LRRC4C: variants seen among roughly 807,000 people sequenced by gnomAD.
LRRC4C encodes the protein leucine-rich repeat-containing protein 4C.
Under a neutral mutation model 33.6 loss-of-function variants are expected in LRRC4C, and 5 were observed. That is an observed-to-expected ratio of 0.15 (90% CI 0.08 to 0.31). LRRC4C has a LOEUF of 0.31. Ranked by LOEUF, LRRC4C falls within the 10% of genes least tolerant of loss-of-function variation. The probability of loss-of-function intolerance (pLI) is 1.00; values close to 1 mark genes in which losing one functional copy is unlikely to be tolerated. For synonymous variants in LRRC4C, 329 were observed against 302.0 expected (o/e 1.09, Z -0.93); for missense variants, 560 against 796.7 (o/e 0.70, Z 3.58).
chr11:40,583,688 T>C (rs1292532419), intron 3 of LRRC4C, among the ~76,000 whole-genome samples: 3 of 152,098 alleles, frequency 2.0e-5, no homozygotes, highest in Non-Finnish European at 4.4e-5. Context: ...CTCCACTTCC[T>C]TAGTACTCTG....
intron 5 of LRRC4C, among the ~76,000 whole-genome samples, chr11:40,197,810 A>C (rs907682041): frequency 2.0e-5 from 3 of 152,226 alleles, no homozygotes; most frequent in Non-Finnish European, 2.9e-5. Flanking sequence ...AATTTCTGAT[A>C]AATGCCTTTC....
At chr11:40,859,842 C>T (rs995616965) in intron 2 of LRRC4C, among the ~76,000 whole-genome samples, 9 of 151,952 alleles carry the variant, frequency 5.9e-5, no homozygotes, top group East Asian at 1.9e-4. Context: ...TTTGGGAGGC[C>T]GAGGCGGGCG....
intron 2 of LRRC4C, among the ~76,000 whole-genome samples, chr11:40,752,397 C>T (rs1214265842): frequency 1.3e-5 from 2 of 151,736 alleles, no homozygotes; most frequent in Non-Finnish European, 1.5e-5. Context: ...TCAAAGAATG[C>T]AACAATATAT....
intron 3 of LRRC4C, among the ~76,000 whole-genome samples, chr11:40,328,343 A>G (rs943584932): frequency 4.6e-5 from 7 of 152,220 alleles, no homozygotes; most frequent in South Asian, 2.1e-4. Flanking sequence ...AGACCACATC[A>G]TTACTATCAC....
At chr11:41,279,483 C>T (rs1181249360) in intron 1 of LRRC4C, among the ~76,000 whole-genome samples, 1 of 151,568 alleles carries the variant, frequency 6.6e-6, no homozygotes, top group African/African-American at 2.4e-5. Flanking sequence ...TTGCCTCCAA[C>T]TTTTGGTGCA....
At chr11:40,532,130 A>G (rs1034740289) in intron 3 of LRRC4C, among the ~76,000 whole-genome samples, 2 of 151,076 alleles carry the variant, frequency 1.3e-5, no homozygotes, top group Admixed American at 1.3e-4. Context: ...GAAGTTTTGG[A>G]ATTTGCCAGA....
intron 2 of LRRC4C, among the ~76,000 whole-genome samples, chr11:40,746,823 C>T (rs1309895761): frequency 6.6e-6 from 1 of 152,196 alleles, no homozygotes; most frequent in East Asian, 1.9e-4. Context: ...TGGTGCCTAT[C>T]TGTATGTCCC....
chr11:40,750,246 C>G (rs958778404), intron 2 of LRRC4C, among the ~76,000 whole-genome samples: 11 of 151,808 alleles, frequency 7.2e-5, no homozygotes, highest in African/African-American at 2.7e-4. Flanking sequence ...ATCCACAGGA[C>G]CAGATGGGCA....
chr11:40,977,142 A>T (rs916928784), intron 1 of LRRC4C, among the ~76,000 whole-genome samples: 2 of 152,038 alleles, frequency 1.3e-5, no homozygotes, highest in Non-Finnish European at 2.9e-5. Flanking sequence ...TGAAGACCTA[A>T]TGCCACCACT....
chr11:41,267,241 A>C (rs752984676), intron 1 of LRRC4C, among the ~76,000 whole-genome samples: 4 of 152,122 alleles, frequency 2.6e-5, no homozygotes, highest in Non-Finnish European at 5.9e-5. Context: ...TTTTGAATCC[A>C]AAAACAGATC....
At chr11:40,634,672 T>A (rs79066981) in intron 3 of LRRC4C, among the ~76,000 whole-genome samples, 1 of 151,506 alleles carries the variant, frequency 6.6e-6, no homozygotes, top group Non-Finnish European at 1.5e-5. Context: ...GAGTTAGAGA[T>A]CAGCTTGGGA....
intron 1 of LRRC4C, among the ~76,000 whole-genome samples, chr11:40,989,584 T>A (rs1853352989): frequency 6.6e-6 from 1 of 152,148 alleles, no homozygotes; most frequent in East Asian, 1.9e-4. Context: ...ATACATAACA[T>A]TCTGGTTAGA....
intron 2 of LRRC4C, among the ~76,000 whole-genome samples, chr11:40,883,138 C>T (rs1955268483): frequency 6.6e-6 from 1 of 152,034 alleles, no homozygotes; most frequent in African/African-American, 2.4e-5. Context: ...ACTGTCTTTC[C>T]TTTGCCTTCC....
At chr11:40,973,926 T>C (rs1228818100) in intron 1 of LRRC4C, among the ~76,000 whole-genome samples, 1 of 152,106 alleles carries the variant, frequency 6.6e-6, no homozygotes, top group Non-Finnish European at 1.5e-5. Context: ...TGGAGCCTCT[T>C]TTTCCAGTCT....
intron 5 of LRRC4C, among the ~76,000 whole-genome samples, chr11:40,216,804 T>C (rs2135881693): frequency 6.6e-6 from 1 of 152,278 alleles, no homozygotes; most frequent in Middle Eastern, 3.4e-3. Flanking sequence ...ATCAGAGTCA[T>C]GGAAGACCGC....
chr11:40,426,012 ATTTT>A (rs58586544), intron 3 of LRRC4C, among the ~76,000 whole-genome samples: 25 of 128,624 alleles, frequency 1.9e-4, no homozygotes, highest in African/African-American at 4.9e-4. Flanking sequence ...AGTCAGTTGC[ATTTT>A]TTTTTTTTTT....
intron 1 of LRRC4C, among the ~76,000 whole-genome samples, chr11:41,215,719 T>C (rs1452306165): frequency 6.6e-6 from 1 of 152,166 alleles, no homozygotes; most frequent in Non-Finnish European, 1.5e-5. Context: ...GTACTTTCTA[T>C]TGTATAGATG....
intron 1 of LRRC4C, among the ~76,000 whole-genome samples, chr11:41,317,503 C>T (rs548885807): frequency 4.7e-4 from 72 of 152,192 alleles, no homozygotes; most frequent in African/African-American, 1.7e-3. Context: ...CTTCCATTCC[C>T]TCTCATTCCT....
chr11:40,969,230 C>T (rs1851553618), intron 1 of LRRC4C, among the ~76,000 whole-genome samples: 1 of 152,088 alleles, frequency 6.6e-6, no homozygotes. Flanking sequence ...AAGCTGTAAT[C>T]AAATTGTTGC....
Sources: allele counts gnomAD v4.1 joint callset (sites outside exome capture counted in the v4.1 genomes callset), GRCh38; gene constraint gnomAD v4.1.1; transcripts MANE v1.5; gene names NCBI Gene and HGNC (gene_info 2026-07-23, HGNC 2026-07-21).